PSMB4: variants seen among roughly 807,000 people sequenced by gnomAD.
PSMB4 encodes proteasome subunit beta type-4.
PSMB4 carries 16 observed loss-of-function variants against 35.2 expected under a neutral mutation model. The ratio of observed to expected loss-of-function variants is 0.45; its 90% CI spans 0.31 to 0.69. The LOEUF is 0.69. Ranked by LOEUF, PSMB4 falls within the 30% of genes least tolerant of loss-of-function variation. The pLI is 0.06. For synonymous variants in PSMB4, 144 were observed against 134.1 expected, an observed-to-expected ratio of 1.07 and a Z score of -0.51; for missense variants, 333 against 351.8, an observed-to-expected ratio of 0.95 and a Z score of 0.43.
intron 3 of PSMB4, 61 bp from the exon 4 acceptor site, chr1:151,400,703 C>T (rs1652785759): frequency 1.9e-6 from 3 of 1,610,184 alleles, no homozygotes; most frequent in Non-Finnish European, 2.6e-6. Flanking sequence ...CCCCATGGTC[C>T]CCTTCTTCAG....
intron 2 of PSMB4, 100 bp from the exon 3 acceptor site, chr1:151,400,342 A>G: frequency 2.0e-6 from 3 of 1,499,028 alleles, no homozygotes; most frequent in Non-Finnish European, 2.7e-6. Context: ...AGTTTTTGGC[A>G]TTAGGTGTAA....
At chr1:151,399,952 T>C in intron 1 of PSMB4, 29 bp from the exon 2 acceptor site, 2 of 1,605,426 alleles carry the variant, frequency 1.2e-6, no homozygotes, top group South Asian at 1.1e-5. Flanking sequence ...CCATCCCCCC[T>C]CTCAGCTCCC....
Position 151,400,761 on chromosome 1 carries a change from T to C in PSMB4, c.495-3T>C. On this transcript the variant is annotated splice_polypyrimidine_tract_variant and splice_region_variant and intron_variant, in intron 3 of 6. Transcript: ENST00000290541. ...TGAGTTTTGACCCATTGTGTCCTGT[T>C]AGCTTCCTCGGTTATGTGGACATGC... is the stretch of plus-strand genomic sequence containing the variant. The C allele has an allele frequency of 6.2e-7, 1 of 1,614,228 alleles. No homozygotes were observed. Among genetic ancestry groups the C allele is most frequent in the East Asian group, 2.2e-5 (1 of 44,888 alleles).
intron 1 of PSMB4, 111 bp from the exon 2 acceptor site, chr1:151,399,870 A>G: frequency 7.1e-6 from 11 of 1,545,800 alleles, no homozygotes; most frequent in Non-Finnish European, 9.8e-6. Flanking sequence ...GGAGTCCTGG[A>G]GAATGCAGAA....
At chr1:151,399,753 G>A in intron 1 of PSMB4, 26 bp downstream of exon 1, 3 of 1,613,562 alleles carry the variant, frequency 1.9e-6, no homozygotes, top group Admixed American at 1.7e-5. Flanking sequence ...TTTCGTTTGC[G>A]TAGCGGGAGG....
At chr1:151,400,678 C>T (rs1652778352) in intron 3 of PSMB4, 86 bp from the exon 4 acceptor site, 1 of 1,609,716 alleles carries the variant, frequency 6.2e-7, no homozygotes, top group Non-Finnish European at 8.5e-7. Context: ...CAAGTGAATC[C>T]CACTTTAACT....
rs1652765479 is a variant in PSMB4, at chr1:151,400,204, A to G, written c.347+17A>G. On this transcript the variant is annotated intron_variant, in intron 2 of 6. Coordinates refer to ENST00000290541, the MANE Select transcript of PSMB4 (RefSeq NM_002796.3). ...CCAGATGGTGTAAGTCATCCAGAGAACAGGAGAGTGGTTCCCAAGTAGAGA... is the reference window on the plus strand; with the variant it reads ...CCAGATGGTGTAAGTCATCCAGAGAGCAGGAGAGTGGTTCCCAAGTAGAGA... The G allele has an allele frequency of 3.1e-6, 5 of 1,611,842 alleles. No individual in the cohort carries two copies. Among genetic ancestry groups the G allele is most frequent in the Non-Finnish European group, 4.2e-6 (5 of 1,177,992 alleles).
rs1311094184 is a variant in PSMB4 at position 151,399,604 on chromosome 1, G to T, written c.17G>T (p.Gly6Val). The T allele has an allele frequency of 6.2e-7, 1 of 1,611,382 alleles. No individual in the cohort carries two copies. The highest frequency in any genetic ancestry group is 1.1e-5 in the South Asian group (1 of 90,736). MEAFL[G>V]SRSGLWAGGP... ...GTGACTAAGATGGAAGCGTTTTTGG[G>T]GTCGCGGTCCGGACTTTGGGCGGGG... is the stretch of plus-strand genomic sequence containing the variant. The change falls in exon 1 of 7, where the codon GGG becomes GTG. Residue 6 changes from glycine (G) to valine (V), a missense_variant. Transcript: ENST00000290541.
chr1:151,400,974 C>G, intron 4 of PSMB4, 129 bp downstream of exon 4: 1 of 992,406 alleles, frequency 1.0e-6, no homozygotes, highest in Non-Finnish European at 1.6e-6. Flanking sequence ...AGATGGTTTT[C>G]TTTGTAGTCT....
At chr1:151,400,364 G>A (rs1304767587) in intron 2 of PSMB4, 78 bp from the exon 3 acceptor site, 1 of 1,545,650 alleles carries the variant, frequency 6.5e-7, no homozygotes, top group Admixed American at 1.8e-5. Context: ...ATGGGGGAAG[G>A]TGTGGTAACT....
In PSMB4 at chr1:151,400,576, C is replaced by T. The variant is rs778248319; in HGVS notation, c.482C>T (p.Ala161Val). The change falls in exon 3 of 7, where the codon GCT (alanine) becomes GTT (valine). Residue 161 changes from alanine (A) to valine (V), a missense_variant. Coordinates refer to ENST00000290541, the MANE Select transcript of PSMB4 (RefSeq NM_002796.3). ...AACACCATGGTCATCGGAGGCTATGCTGATGGAGAGAGGTTCATATGAATA... is the reference window on the plus strand; with the variant it reads ...AACACCATGGTCATCGGAGGCTATGTTGATGGAGAGAGGTTCATATGAATA... ...LWNTMVIGGY[A>V]DGESFLGYVD... 2.5e-6 allele frequency: 4 copies of T among 1,614,044 alleles called. No homozygotes were observed. In the East Asian group the frequency reaches 8.9e-5, roughly 36 times the overall value.
chr1:151,399,694 C>T lies in PSMB4; in HGVS notation c.107C>T (p.Ser36Phe), dbSNP rs1050423331. Reference sequence around the variant, plus strand: ...CCCGATTCCTTCATGGATCCGGCGTCTGCACTTTACAGAGGTCCAATCACG... The same window carrying T: ...CCCGATTCCTTCATGGATCCGGCGTTTGCACTTTACAGAGGTCCAATCACG... Reference protein sequence around the residue: ...STPDSFMDPASALYRGPITRT... With the variant: ...STPDSFMDPAFALYRGPITRT... Residue 36 changes from serine (S) to phenylalanine (F), a missense_variant, in exon 1 of 7, where the codon TCT becomes TTT. Ser to Phe is a radical substitution (Grantham distance 155). Transcript: ENST00000290541. 6.2e-7 allele frequency: 1 copy of T among 1,614,198 alleles called. No homozygotes were observed. Among genetic ancestry groups the T allele is most frequent in the Admixed American group, 1.7e-5 (1 of 60,022 alleles).
rs756239496 is a variant in PSMB4, at chr1:151,401,633, G to A, written c.782+3G>A. 4.4e-6 allele frequency: 7 copies of A among 1,596,848 alleles called. No individual in the cohort carries two copies. The highest frequency in any genetic ancestry group is 2.2e-5 in the East Asian group (1 of 44,762). On this transcript the variant is annotated splice_donor_region_variant and intron_variant, in intron 6 of 6. Coordinates refer to ENST00000290541, the MANE Select transcript of PSMB4 (RefSeq NM_002796.3). ...TGGGATATTGCCCACATGATCAGGT[G>A]AGTAATAGGGAAAAAATTGGTGACA... is the stretch of plus-strand genomic sequence containing the variant.
At chr1:151,399,797 A>C in intron 1 of PSMB4, 70 bp downstream of exon 1, 1 of 1,609,504 alleles carries the variant, frequency 6.2e-7, no homozygotes, top group South Asian at 1.1e-5. Flanking sequence ...GCTGGTTTTG[A>C]GAGCCCGGGA....
Position 151,401,026 on chromosome 1 carries a change from C to T in PSMB4, c.576+181C>T, listed in dbSNP as rs1316815860. 7.7e-6 allele frequency: 6 copies of T among 774,438 alleles called. No individual in the cohort carries two copies. The East Asian group carries it at 1.5e-4, about 19-fold the overall frequency. 48.0% of individuals were successfully genotyped at this position (774,438 alleles called of 1,614,324 possible). A position where few individuals can be genotyped will look rare whatever the true frequency, so the allele number is the denominator to read the frequency against. On this transcript the variant is annotated intron_variant, in intron 4 of 6. Coordinates refer to ENST00000290541, the MANE Select transcript of PSMB4 (RefSeq NM_002796.3). ...GACACTGATTCCAGTGACAAGATGA[C>T]ATGACTGGGAGTCAGTAGACATGCA...
chr1:151,399,867 T>G, intron 1 of PSMB4, 114 bp from the exon 2 acceptor site: 1 of 1,549,438 alleles, frequency 6.5e-7, no homozygotes, highest in Non-Finnish European at 8.9e-7. Flanking sequence ...CGCGGAGTCC[T>G]GGAGAATGCA....
In PSMB4 at chr1:151,399,740, C is replaced by T. The variant is rs777961225; in HGVS notation, c.140+13C>T. 3 of 1,613,858 alleles carry T rather than the reference C, an allele frequency of 1.9e-6. No individual in the cohort carries two copies. The highest frequency in any genetic ancestry group is 1.7e-6 in the Non-Finnish European group (2 of 1,180,014). Reference sequence around the variant, plus strand: ...TCACGCGGACCCAGTAAGTTCTCGGCGCTTTCGTTTGCGTAGCGGGAGGGA... The same window carrying T: ...TCACGCGGACCCAGTAAGTTCTCGGTGCTTTCGTTTGCGTAGCGGGAGGGA... On this transcript the variant is annotated intron_variant, in intron 1 of 6. Coordinates refer to ENST00000290541, the MANE Select transcript of PSMB4 (RefSeq NM_002796.3).
In PSMB4 at chr1:151,400,169, A is replaced by G. The variant is rs1400271177; in HGVS notation, c.329A>G (p.Gln110Arg). Residue 110 changes from glutamine (Q) to arginine (R), a missense_variant, in exon 2 of 7, where the codon CAA (glutamine) becomes CGA (arginine). By Grantham distance (43) the Gln-to-Arg change is conservative. Transcript: ENST00000290541. ...GDYADFQYLK[Q>R]VLGQMVIDEE... The stretch of plus-strand genomic sequence containing the variant: ...TACGCTGATTTCCAGTATTTGAAGC[A>G]AGTTCTCGGCCAGATGGTGTAAGTC... 6.2e-7 allele frequency: 1 copy of G among 1,614,170 alleles called. No homozygotes were observed. The highest frequency in any genetic ancestry group is 8.5e-7 in the Non-Finnish European group (1 of 1,180,022).
rs16833204 is a variant in PSMB4 at position 151,400,203 on chromosome 1, A to G, written c.347+16A>G. On this transcript the variant is annotated intron_variant, in intron 2 of 6. Coordinates refer to ENST00000290541, the MANE Select transcript of PSMB4 (RefSeq NM_002796.3). ...GCCAGATGGTGTAAGTCATCCAGAG[A>G]ACAGGAGAGTGGTTCCCAAGTAGAG... The G allele has an allele frequency of 1.5e-3, 2,408 of 1,612,092 alleles. 41 individuals are homozygous for G. In the African/African-American group the frequency reaches 0.028, roughly 19 times the overall value.
Sources: allele counts gnomAD v4.1 joint callset, GRCh38; gene constraint gnomAD v4.1.1; transcripts MANE v1.5; gene names NCBI Gene and HGNC (gene_info 2026-07-23, HGNC 2026-07-21).